The following ADAM19 variants were observed in gnomAD, a reference collection of about 807,000 sequenced individuals.
The protein encoded by ADAM19 is disintegrin and metalloproteinase domain-containing protein 19.
Under a neutral mutation model 114.7 loss-of-function variants are expected in ADAM19, and 65 were observed. That is an observed-to-expected ratio of 0.57 (90% CI 0.46 to 0.70). ADAM19 has a LOEUF of 0.70. Among genes scored for constraint, ADAM19 ranks in the 30% least tolerant of loss-of-function variants. The probability of loss-of-function intolerance (pLI) is 0.00; values close to 1 mark genes in which losing one functional copy is unlikely to be tolerated. For missense variants in ADAM19, 1,063 were observed against 1,204.7 expected (o/e 0.88, Z 1.74); for synonymous variants, 466 against 460.5 (o/e 1.01, Z -0.15).
At chr5:157,495,882 C>T (rs1424571584) in intron 14 of ADAM19, among the ~76,000 whole-genome samples, 1 of 151,404 alleles carries the variant, frequency 6.6e-6, no homozygotes, top group African/African-American at 2.4e-5. Flanking sequence ...GATCCACCTG[C>T]CTTGGCCTCC....
chr5:157,491,935 G>C, intron 16 of ADAM19, 23 bp from the exon 17 acceptor site: 2 of 1,611,710 alleles, frequency 1.2e-6, no homozygotes, highest in South Asian at 1.1e-5. Context: ...AAAACAGAAC[G>C]ATCAGTGCAA....
chr5:157,547,119 C>A (rs1757070643), intron 3 of ADAM19, among the ~76,000 whole-genome samples: 1 of 152,218 alleles, frequency 6.6e-6, no homozygotes, highest in Non-Finnish European at 1.5e-5. Flanking sequence ...GCTTTTCACA[C>A]AGGTTTTATT....
At chr5:157,490,228 C>A in intron 19 of ADAM19, 82 bp downstream of exon 19, 1 of 1,527,266 alleles carries the variant, frequency 6.5e-7, no homozygotes, top group Non-Finnish European at 9.0e-7. Context: ...CCACTATCAC[C>A]AACACTTTTG....
intron 22 of ADAM19, 185 bp downstream of exon 22, chr5:157,481,606 A>G: frequency 1.3e-6 from 2 of 1,537,124 alleles, no homozygotes; most frequent in South Asian, 1.2e-5. Flanking sequence ...CACCTTTCAC[A>G]TGAAGCCAAA....
chr5:157,536,391 G>T (rs1434564679), intron 4 of ADAM19, among the ~76,000 whole-genome samples: 1 of 152,174 alleles, frequency 6.6e-6, no homozygotes, highest in East Asian at 1.9e-4. Context: ...ACTTTGGGAG[G>T]CCAAGGTGGG....
rs374334692 is a variant in ADAM19, at chr5:157,503,238, A to G, written c.1131-258T>C. Among the ~76,000 whole-genome samples the G allele has an allele frequency of 2.9e-4, 44 of 152,346 alleles. No homozygotes were observed. The Middle Eastern group carries it at 0.01, about 35-fold the overall frequency. ...ACCATCATTCTCAGCAAACTATTGC[A>G]AGGACAGAAAACCAAACACCGGATG... On this transcript the variant is annotated intron_variant, in intron 11 of 22. Transcript: ENST00000257527.
rs1754705011 is a variant in ADAM19 at position 157,480,288 on chromosome 5, C to T, written c.*661G>A. On this transcript the variant is annotated 3_prime_UTR_variant, in exon 23 of 23. Transcript: ENST00000257527. ...CCCGGTGCTCCTCCTGCTGTCTACA[C>T]TGCCTACGAATAGTACCTGTCTGAG... 1.0e-6 allele frequency: 1 copy of T among 985,924 alleles called. No individual in the cohort carries two copies. The allele number at this position is 985,924 out of a possible 1,614,324, so 61.1% of individuals were successfully genotyped here.
At chr5:157,550,185 A>G (rs1182492840) in intron 3 of ADAM19, among the ~76,000 whole-genome samples, 3 of 152,230 alleles carry the variant, frequency 2.0e-5, no homozygotes, top group African/African-American at 7.2e-5. Context: ...TTTATGTCAC[A>G]CAGTTCTTGA....
chr5:157,567,856 C>G (rs1176200901), intron 2 of ADAM19, among the ~76,000 whole-genome samples: 1 of 152,026 alleles, frequency 6.6e-6, no homozygotes, highest in Non-Finnish European at 1.5e-5. Context: ...AGAGCTACAG[C>G]AATTCCCTCA....
intron 1 of ADAM19, among the ~76,000 whole-genome samples, chr5:157,573,169 A>G (rs1271583094): frequency 6.6e-6 from 1 of 152,260 alleles, no homozygotes; most frequent in Non-Finnish European, 1.5e-5. Flanking sequence ...TTGTAAAAAA[A>G]TAGTGAAAGC....
At chr5:157,533,300 T>G (rs1265501718) in intron 4 of ADAM19, among the ~76,000 whole-genome samples, 1 of 152,186 alleles carries the variant, frequency 6.6e-6, no homozygotes, top group Non-Finnish European at 1.5e-5. Flanking sequence ...TTCTGGACTT[T>G]AAACAAGTCA....
intron 2 of ADAM19, chr5:157,566,558 T>G (rs760175693): frequency 3.3e-5 from 5 of 152,212 alleles, no homozygotes; most frequent in Non-Finnish European, 5.9e-5. Flanking sequence ...CTTCAACAAT[T>G]CAACTTAAGG....
Position 157,502,875 on chromosome 5 carries a change from C to G in ADAM19, c.1236G>C (p.Met412Ile), listed in dbSNP as rs1414439729. The change falls in exon 12 of 23, where the codon ATG becomes ATC. Residue 412 changes from methionine (M) to isoleucine (I), a missense_variant. Transcript: ENST00000257527. ...TCCCACACCTCCGGCCTCCATACAACATCCTGGTGTCTGGCATGTTGGAGA... is the reference window on the plus strand; with the variant it reads ...TCCCACACCTCCGGCCTCCATACAAGATCCTGGTGTCTGGCATGTTGGAGA... ...MCLSNMPDTRMLYGGRRCGNG... is the reference protein window; with the variant it reads ...MCLSNMPDTRILYGGRRCGNG... 6.2e-7 allele frequency: 1 copy of G among 1,614,110 alleles called. No individual in the cohort carries two copies. Among genetic ancestry groups the G allele is most frequent in the Non-Finnish European group, 8.5e-7 (1 of 1,180,056 alleles).
intron 5 of ADAM19, among the ~76,000 whole-genome samples, chr5:157,529,628 C>A (rs566779745): frequency 1.6e-4 from 24 of 152,324 alleles, no homozygotes; most frequent in African/African-American, 5.5e-4. Context: ...ATCCATGGAA[C>A]ACACCTAGAG....
intron 3 of ADAM19, among the ~76,000 whole-genome samples, chr5:157,547,249 G>A (rs2113774250): frequency 6.6e-6 from 1 of 152,232 alleles, no homozygotes; most frequent in South Asian, 2.1e-4. Context: ...GAAAGAGGTG[G>A]CTTGTCCAAG....
rs779098164 is a variant in ADAM19, at chr5:157,537,941, T to A, written c.302A>T (p.Asn101Ile). 3.1e-6 allele frequency: 5 copies of A among 1,614,114 alleles called. No individual in the cohort carries two copies. The highest frequency in any genetic ancestry group is 4.5e-5 in the East Asian group (2 of 44,878). ...CAATTTCCGTGTGGTGGTTTGAGGG[T>A]TACCACTTGAAGTATAATGGGTTTC... ...YTETHYTSSGNPQTTTRKLED... is the reference protein window; with the variant it reads ...YTETHYTSSGIPQTTTRKLED... Residue 101 changes from asparagine (N) to isoleucine (I), a missense_variant, in exon 4 of 23, where the codon AAC becomes ATC. Around this residue, in one of 3 missense-constraint regions of ADAM19, gnomAD observed 615 missense variants for 706.3 expected, o/e 0.87. Coordinates refer to ENST00000257527, the MANE Select transcript of ADAM19 (RefSeq NM_033274.5).
At chr5:157,503,721 A>G (rs1169965785) in intron 11 of ADAM19, among the ~76,000 whole-genome samples, 4 of 152,212 alleles carry the variant, frequency 2.6e-5, no homozygotes, top group Non-Finnish European at 5.9e-5. Context: ...CCTGAAGCTG[A>G]TATCAGGTGA....
intron 1 of ADAM19, among the ~76,000 whole-genome samples, chr5:157,574,114 G>A (rs1427491188): frequency 1.3e-5 from 2 of 152,262 alleles, no homozygotes; most frequent in East Asian, 3.9e-4. Context: ...TTATGGGTAT[G>A]GTTCCAATTT....
At chr5:157,503,297 A>G (rs1755627564) in intron 11 of ADAM19, among the ~76,000 whole-genome samples, 1 of 152,172 alleles carries the variant, frequency 6.6e-6, no homozygotes, top group South Asian at 2.1e-4. Context: ...AACAATGAGA[A>G]CACTTGGACA....
Sources: allele counts gnomAD v4.1 joint callset (sites outside exome capture counted in the v4.1 genomes callset), GRCh38; gene constraint gnomAD v4.1.1; regional missense constraint gnomAD v4.1.1; transcripts MANE v1.5; gene names NCBI Gene and HGNC (gene_info 2026-07-23, HGNC 2026-07-21).